Variants in ADAMDEC1 observed in about 807,000 individuals in gnomAD.
ADAMDEC1 encodes ADAM DEC1.
A neutral mutation model predicts 60.4 loss-of-function variants in ADAMDEC1; 62 were observed. The observed-to-expected ratio is 1.03, with a 90% CI of 0.84 to 1.27. The LOEUF is 1.27. Ranked by LOEUF, ADAMDEC1 falls within the 50% of genes most tolerant of loss-of-function variation. The pLI is 0.00. For missense variants in ADAMDEC1, 595 were observed against 565.0 expected (o/e 1.05, Z -0.54); for synonymous variants, 210 against 195.1 (o/e 1.08, Z -0.64).
In ADAMDEC1 at chr8:24,392,304, T is replaced by G. The variant is rs35372591; in HGVS notation, c.131T>G (p.Ile44Arg). ...ACACCTGAATTAACGCTCCATGAAA[T>G]AGTTTGTCCTAAAAAACTTCACATT... ...KQTPELTLHEIVCPKKLHILH... is the reference protein window; with the variant it reads ...KQTPELTLHERVCPKKLHILH... Residue 44 changes from isoleucine to arginine, a missense_variant, in exon 2 of 14, where the codon ATA (isoleucine) becomes AGA (arginine). By Grantham distance (97) the Ile-to-Arg change is moderately conservative. Transcript: ENST00000256412. 1,678 of 1,611,326 alleles carry G rather than the reference T, an allele frequency of 1.0e-3. 11 individuals carry two copies. The African/African-American group carries it at 0.018, about 18-fold the overall frequency.
At chr8:24,392,628 T>C (rs1447262466) in intron 2 of ADAMDEC1, among the ~76,000 whole-genome samples, 1 of 152,156 alleles carries the variant, frequency 6.6e-6, no homozygotes, top group East Asian at 1.9e-4. Flanking sequence ...TCTCTTAAGT[T>C]TGAGAGTGAG....
In ADAMDEC1 at chr8:24,384,543, C is replaced by A. The variant is rs1310463274; in HGVS notation, c.39C>A (p.Thr13=). ...RGISQLPAVA[T]MSWVLLPVLW... ...TCTCCCAGCTACCTGCAGTGGCCAC[C>A]ATGTCTTGGGTCCTGCTGCCTGTAC... is the stretch of plus-strand genomic sequence containing the variant. The change falls in exon 1 of 14, where the codon ACC becomes ACA. Residue 13 remains threonine, a synonymous_variant. Coordinates refer to ENST00000256412, the MANE Select transcript of ADAMDEC1 (RefSeq NM_014479.3). 1.9e-6 allele frequency: 3 copies of A among 1,610,774 alleles called. No homozygotes were observed. Among genetic ancestry groups the A allele is most frequent in the Admixed American group, 3.4e-5 (2 of 59,654 alleles).
rs746468939 is a variant in ADAMDEC1 at position 24,393,354 on chromosome 8, T to C, written c.284+16T>C. On this transcript the variant is annotated intron_variant, in intron 3 of 13. Coordinates refer to ENST00000256412, the MANE Select transcript of ADAMDEC1 (RefSeq NM_014479.3). ...AAAAAACCAAGTAAGTTGTACCTCC[T>C]AAAAGTCTAATCACTGGATTAGGTT... The C allele has an allele frequency of 2.6e-6, 4 of 1,527,070 alleles. No homozygotes were observed. The highest frequency in any genetic ancestry group is 3.6e-6 in the Non-Finnish European group (4 of 1,110,322). 94.6% of individuals were successfully genotyped at this position (1,527,070 alleles called of 1,614,324 possible).
rs74478029 is a variant in ADAMDEC1 at position 24,392,586 on chromosome 8, T to C, written c.207+206T>C. 3.7e-4 allele frequency among the ~76,000 whole-genome samples: 56 copies of C among 152,292 alleles called. No individual in the cohort carries two copies. In the East Asian group the frequency reaches 8.1e-3, roughly 22 times the overall value. On this transcript the variant is annotated intron_variant, in intron 2 of 13. Transcript: ENST00000256412. ...AGCAGCAGAGAGTCAACAGCCTCAC[T>C]TGATAAGAAAGGATAAAGCTGCTTA...
chr8:24,394,215 T>C (rs1299722290), intron 4 of ADAMDEC1, 68 bp downstream of exon 4: 8 of 1,249,268 alleles, frequency 6.4e-6, no homozygotes, highest in Non-Finnish European at 1.2e-6. Context: ...TAATGTTAAC[T>C]AAGATCTCCA....
In ADAMDEC1 at chr8:24,400,518, C is replaced by T. The variant is rs975870011; in HGVS notation, c.1142+218C>T. Among the ~76,000 whole-genome samples, 15 of 151,876 alleles carry T rather than the reference C, an allele frequency of 9.9e-5. 1 individual carries two copies. The highest frequency in any genetic ancestry group is 3.6e-4 in the African/African-American group (15 of 41,364). On this transcript the variant is annotated intron_variant, in intron 11 of 13. Coordinates refer to ENST00000256412, the MANE Select transcript of ADAMDEC1 (RefSeq NM_014479.3). ...AACGTGTAGGGTAACATATTACATT[C>T]TTAACCTAGTCTTGGATTACAGTAA...
In ADAMDEC1 at chr8:24,384,450, C is replaced by A; in HGVS notation, c.-55C>A. 7.1e-7 allele frequency: 1 copy of A among 1,414,086 alleles called. No individual in the cohort carries two copies. 87.6% of individuals were successfully genotyped at this position (1,414,086 alleles called of 1,614,324 possible). Reference sequence around the variant, plus strand: ...TGGGGGTTTTAATTTTCTTGTTCAACTTCTAAAGAGAAATTGGAGAAGATA... The same window carrying A: ...TGGGGGTTTTAATTTTCTTGTTCAAATTCTAAAGAGAAATTGGAGAAGATA... On this transcript the variant is annotated 5_prime_UTR_variant, in exon 1 of 14. Transcript: ENST00000256412.
intron 1 of ADAMDEC1, among the ~76,000 whole-genome samples, chr8:24,386,265 C>T (rs940079783): frequency 6.6e-6 from 1 of 152,150 alleles, no homozygotes; most frequent in Non-Finnish European, 1.5e-5. Flanking sequence ...CTTATGTTTA[C>T]CCATACACAA....
chr8:24,402,995 A>G (rs988758183), intron 12 of ADAMDEC1, among the ~76,000 whole-genome samples: 1 of 152,138 alleles, frequency 6.6e-6, no homozygotes. Context: ...GTGGAAGACA[A>G]TTGAAGATAC....
intron 1 of ADAMDEC1, among the ~76,000 whole-genome samples, chr8:24,389,618 AC>A (rs1489937528): frequency 6.6e-6 from 1 of 152,178 alleles, no homozygotes; most frequent in African/African-American, 2.4e-5. Context: ...CCCCCATTTC[AC>A]ACAGAGTAAA....
intron 1 of ADAMDEC1, among the ~76,000 whole-genome samples, chr8:24,391,276 G>T (rs1254461801): frequency 1.3e-5 from 2 of 152,178 alleles, no homozygotes; most frequent in African/African-American, 2.4e-5. Flanking sequence ...GTATGAAAAT[G>T]TGAGCATTCA....
At chr8:24,388,142 T>C (rs986573184) in intron 1 of ADAMDEC1, among the ~76,000 whole-genome samples, 2 of 152,182 alleles carry the variant, frequency 1.3e-5, no homozygotes, top group Non-Finnish European at 2.9e-5. Context: ...GGTACCTACT[T>C]CTTGCCCTCT....
In ADAMDEC1 at chr8:24,400,284, A is replaced by G; in HGVS notation, c.1126A>G (p.Met376Val). 1 of 1,609,164 alleles carries G rather than the reference A, an allele frequency of 6.2e-7. No individual in the cohort carries two copies. Among genetic ancestry groups the G allele is most frequent in the Non-Finnish European group, 8.5e-7 (1 of 1,177,972 alleles). ...CAAGTGTCCCTCTGGCAGTTGTGTG[A>G]TGAATCAGTATCTGAGGTGAGACCT... is the stretch of plus-strand genomic sequence containing the variant. ...NTKCPSGSCV[M>V]NQYLSSKFPK... Residue 376 changes from methionine (M) to valine (V), a missense_variant, in exon 11 of 14, where the codon ATG (methionine) becomes GTG (valine). By Grantham distance (21) the Met-to-Val change is conservative (BLOSUM62 1). Coordinates refer to ENST00000256412, the MANE Select transcript of ADAMDEC1 (RefSeq NM_014479.3).
intron 10 of ADAMDEC1, 73 bp from the exon 11 acceptor site, chr8:24,400,097 C>A: frequency 8.0e-7 from 1 of 1,253,782 alleles, no homozygotes; most frequent in Non-Finnish European, 1.1e-6. Context: ...ATCTCTTAAG[C>A]CATTTTTAAA....
At chr8:24,395,282 A>G (rs1418983328) in intron 4 of ADAMDEC1, among the ~76,000 whole-genome samples, 1 of 152,250 alleles carries the variant, frequency 6.6e-6, no homozygotes, top group Non-Finnish European at 1.5e-5. Context: ...TGTAATGCAC[A>G]GTGCCTTTGG....
At chr8:24,399,531 A>T in intron 10 of ADAMDEC1, 57 bp downstream of exon 10, 1 of 1,313,992 alleles carries the variant, frequency 7.6e-7, no homozygotes, top group South Asian at 1.2e-5. Context: ...GAAGGCCAGC[A>T]TAACACCTTA....
At position 24,397,734 on chromosome 8, in the gene ADAMDEC1, G is replaced by C. The variant is rs1451310538; in HGVS notation, c.679G>C (p.Asp227His). 1.9e-6 allele frequency: 3 copies of C among 1,613,086 alleles called. No homozygotes were observed. Among genetic ancestry groups the C allele is most frequent in the African/African-American group, 2.7e-5 (2 of 74,870 alleles). ...ATACATTGATCTCTATTTGGTGCTGGATAATGCCTTTGTGAGTATGAAACA... is the reference window on the plus strand; with the variant it reads ...ATACATTGATCTCTATTTGGTGCTGCATAATGCCTTTGTGAGTATGAAACA... ...QKYIDLYLVL[D>H]NAFYKNYNEN... Residue 227 changes from aspartate (D) to histidine (H), a missense_variant, in exon 7 of 14, where the codon GAT (aspartate) becomes CAT (histidine). By Grantham distance (81) the Asp-to-His change is moderately conservative. Transcript: ENST00000256412.
In ADAMDEC1 at chr8:24,405,530, A is replaced by T. The variant is rs1181229786; in HGVS notation, c.*232A>T. ...TTTTTTTTCTTTTTTCTTTTTTTTTAAAGATCATGAATTTGTGACTTAGTT... is the reference window on the plus strand; with the variant it reads ...TTTTTTTTCTTTTTTCTTTTTTTTTTAAGATCATGAATTTGTGACTTAGTT... On this transcript the variant is annotated 3_prime_UTR_variant, in exon 14 of 14. Coordinates refer to ENST00000256412, the MANE Select transcript of ADAMDEC1 (RefSeq NM_014479.3). 1.4e-4 allele frequency: 60 copies of T among 437,690 alleles called. 1 individual carries two copies. Among genetic ancestry groups the T allele is most frequent in the Admixed American group, 5.0e-4 (12 of 24,086 alleles). The allele number at this position is 437,690 out of a possible 1,614,324, so 27.1% of individuals were successfully genotyped here. A position where few individuals can be genotyped will look rare whatever the true frequency, so the allele number is the denominator to read the frequency against.
intron 12 of ADAMDEC1, among the ~76,000 whole-genome samples, chr8:24,402,629 A>G (rs1162053350): frequency 1.3e-5 from 2 of 152,130 alleles, no homozygotes; most frequent in Non-Finnish European, 2.9e-5. Flanking sequence ...CAAGGCATTT[A>G]TGTACTCTAA....
Sources: gnomAD v4.1 joint callset for allele counts (sites outside exome capture counted in the v4.1 genomes callset) on GRCh38, gnomAD v4.1.1 for gene constraint, MANE v1.5 for transcripts, NCBI Gene and HGNC (gene_info 2026-07-23, HGNC 2026-07-21) for gene names.